Variants in TRIM58 observed in about 807,000 individuals in gnomAD.
TRIM58 encodes tripartite motif containing 58.
TRIM58 carries 38 observed loss-of-function variants against 34.1 expected under a neutral mutation model. That is an observed-to-expected ratio of 1.12 (90% confidence interval 0.86 to 1.46). The LOEUF (loss-of-function observed/expected upper bound fraction) is 1.46, where lower values mean the gene tolerates loss of function less well. TRIM58 is among the 40% of genes most tolerant of loss of function. The pLI is 0.00. For missense variants in TRIM58, 677 were observed against 642.0 expected (o/e 1.05, Z -0.59); for synonymous variants, 273 against 275.7 (o/e 0.99, Z 0.10).
intron 4 of TRIM58, 40 bp from the exon 5 acceptor site, chr1:247,867,923 A>T (rs568002100): frequency 4.6e-4 from 747 of 1,613,734 alleles, no homozygotes; most frequent in South Asian, 4.4e-3. Context: ...GAGCTGGTGG[A>T]GAACCCTGCT....
At chr1:247,869,757 C>G (rs1659047292) in intron 5 of TRIM58, among the ~76,000 whole-genome samples, 1 of 152,132 alleles carries the variant, frequency 6.6e-6, no homozygotes, top group Non-Finnish European at 1.5e-5. Flanking sequence ...AAAACTTTCC[C>G]CTTTCCCTAT....
Position 247,876,011 on chromosome 1 carries a change from G to A in TRIM58, c.983G>A (p.Arg328Gln), listed in dbSNP as rs1417587813. The change falls in exon 6 of 6, where the codon CGA (arginine) becomes CAA (glutamine). Residue 328 changes from arginine to glutamine, a missense_variant. Coordinates refer to ENST00000366481, the MANE Select transcript of TRIM58 (RefSeq NM_015431.4). Reference sequence around the variant, plus strand: ...AGGGATGTCCCCAACAACCCTGAGCGATTTGACACATGGCCCTGCATCCTG... The same window carrying A: ...AGGGATGTCCCCAACAACCCTGAGCAATTTGACACATGGCCCTGCATCCTG... The part of the protein sequence containing the change: ...PWRDVPNNPE[R>Q]FDTWPCILGL... 5.0e-6 allele frequency: 8 copies of A among 1,614,108 alleles called. No homozygotes were observed. The highest frequency in any genetic ancestry group is 5.9e-6 in the Non-Finnish European group (7 of 1,180,044).
At position 247,876,888 on chromosome 1, in the gene TRIM58, C is replaced by G. The variant is rs1214365050; in HGVS notation, c.*399C>G. The G allele has an allele frequency of 5.6e-6, 1 of 178,256 alleles. No individual in the cohort carries two copies. Among genetic ancestry groups the G allele is most frequent in the Non-Finnish European group, 1.2e-5 (1 of 84,060 alleles). 11.0% of individuals were successfully genotyped at this position (178,256 alleles called of 1,614,324 possible). A position where few individuals can be genotyped will look rare whatever the true frequency, so the allele number is the denominator to read the frequency against. On this transcript the variant is annotated 3_prime_UTR_variant, in exon 6 of 6. Transcript: ENST00000366481. ...TGATTCAGAATGGTCTGATACTATT[C>G]CAGTATCACCTCCTTAATTCTGTTT...
rs757138461 is a variant in TRIM58, at chr1:247,876,090, A to G, written c.1062A>G (p.Glu354=). The G allele has an allele frequency of 6.2e-7, 1 of 1,614,166 alleles. No individual in the cohort carries two copies. Among genetic ancestry groups the G allele is most frequent in the Non-Finnish European group, 8.5e-7 (1 of 1,180,028 alleles). ...GRHYWEVLVG[E]GAEWGLGVCQ... ...ATTACTGGGAGGTTCTGGTGGGAGA[A>G]GGAGCAGAGTGGGGTTTAGGGGTCT... The change falls in exon 6 of 6, where the codon GAA becomes GAG. Residue 354 remains glutamate, a synonymous_variant. Coordinates refer to ENST00000366481, the MANE Select transcript of TRIM58 (RefSeq NM_015431.4).
At chr1:247,863,779 C>A (rs188994917) in intron 2 of TRIM58, among the ~76,000 whole-genome samples, 18 of 152,102 alleles carry the variant, frequency 1.2e-4, no homozygotes, top group African/African-American at 4.3e-4. Flanking sequence ...AAGCCTGGGA[C>A]GAAGTATGTT....
At chr1:247,863,498 A>G in intron 2 of TRIM58, among the ~76,000 whole-genome samples, 1 of 151,994 alleles carries the variant, frequency 6.6e-6, no homozygotes, top group Non-Finnish European at 1.5e-5. Flanking sequence ...AGATCGCGCC[A>G]CTGCACTCTA....
intron 2 of TRIM58, among the ~76,000 whole-genome samples, chr1:247,862,101 C>T (rs140176071): frequency 0.06 from 9,130 of 151,958 alleles, 378 homozygotes; most frequent in East Asian, 0.2. Context: ...GCACTCCAGC[C>T]TGGGCAACAA....
intron 1 of TRIM58, among the ~76,000 whole-genome samples, chr1:247,860,365 G>A (rs1006653401): frequency 2.6e-5 from 4 of 152,104 alleles, no homozygotes; most frequent in African/African-American, 9.7e-5. Flanking sequence ...GGAGGCTGAG[G>A]TGGGAGGATC....
intron 5 of TRIM58, among the ~76,000 whole-genome samples, chr1:247,868,774 T>A (rs1276258233): frequency 1.3e-5 from 2 of 152,186 alleles, no homozygotes; most frequent in Non-Finnish European, 2.9e-5. Flanking sequence ...AGGCTAGAGA[T>A]GAACAGATGG....
rs148316921 is a variant in TRIM58, at chr1:247,871,560, A to C, written c.871+3497A>C. On this transcript the variant is annotated intron_variant, in intron 5 of 5. Coordinates refer to ENST00000366481, the MANE Select transcript of TRIM58 (RefSeq NM_015431.4). Reference sequence around the variant, plus strand: ...AAGAGTGTAAAGTCCCTTAATGAGAAAACCCATCTCTGCAGCATAGTACCC... The same window carrying C: ...AAGAGTGTAAAGTCCCTTAATGAGACAACCCATCTCTGCAGCATAGTACCC... 3.5e-3 allele frequency among the ~76,000 whole-genome samples: 523 copies of C among 150,930 alleles called. 3 individuals are homozygous for C. Among genetic ancestry groups the C allele is most frequent in the African/African-American group, 0.011 (453 of 41,100 alleles).
intron 5 of TRIM58, among the ~76,000 whole-genome samples, chr1:247,873,049 G>A (rs1375407494): frequency 2.0e-5 from 3 of 152,108 alleles, no homozygotes; most frequent in Non-Finnish European, 4.4e-5. Context: ...TGATCAACCT[G>A]AGGAAACCTT....
chr1:247,860,737 A>T (rs760253096), intron 2 of TRIM58, 25 bp downstream of exon 2: 1 of 1,561,636 alleles, frequency 6.4e-7, no homozygotes, highest in Non-Finnish European at 8.8e-7. Flanking sequence ...GGGCTTTAGG[A>T]GGCTTGCCTG....
rs1663656559 is a variant in TRIM58 at position 247,857,378 on chromosome 1, C to T, written c.132C>T (p.Cys44=). Residue 44 remains cysteine, a synonymous_variant, in exon 1 of 6, where the codon TGC becomes TGT. Coordinates refer to ENST00000366481, the MANE Select transcript of TRIM58 (RefSeq NM_015431.4). Reference sequence around the variant, plus strand: ...GCCTCAGGTGCATCTCCGAGTTCTGCGAGAAGTCGGACGGCGCGCAGGGCG... The same window carrying T: ...GCCTCAGGTGCATCTCCGAGTTCTGTGAGAAGTCGGACGGCGCGCAGGGCG... ...SFCLRCISEF[C]EKSDGAQGGV... 6.6e-7 allele frequency: 1 copy of T among 1,526,162 alleles called. No homozygotes were observed. 94.5% of individuals were successfully genotyped at this position (1,526,162 alleles called of 1,614,324 possible). A position where few individuals can be genotyped will look rare whatever the true frequency, so the allele number is the denominator to read the frequency against.
At position 247,877,122 on chromosome 1, in the gene TRIM58, CTATTCTGAGACT is replaced by C. The variant is rs1413946729; in HGVS notation, c.*634_*645del. Reference sequence around the variant, plus strand: ...TACTCAATTACTTTTAAAATCCTTTCTATTCTGAGACTAATTTTTAAGAATTACAAAGCTCAT... The same window carrying C: ...TACTCAATTACTTTTAAAATCCTTTCAATTTTTAAGAATTACAAAGCTCAT... On this transcript the variant is annotated 3_prime_UTR_variant, in exon 6 of 6. Coordinates refer to ENST00000366481, the MANE Select transcript of TRIM58 (RefSeq NM_015431.4). The C allele has an allele frequency of 1.3e-5, 2 of 152,212 alleles. No individual in the cohort carries two copies. The highest frequency in any genetic ancestry group is 2.4e-5 in the African/African-American group (1 of 41,456). 9.4% of individuals were successfully genotyped at this position (152,212 alleles called of 1,614,324 possible).
At chr1:247,874,023 T>TAGTAGCAGTAGC in intron 5 of TRIM58, among the ~76,000 whole-genome samples, 1 of 152,240 alleles carries the variant, frequency 6.6e-6, no homozygotes, top group Non-Finnish European at 1.5e-5. Flanking sequence ...GTGGTAGTGG[T>TAGTAGCAGTAGC]AGTAGCAGTA....
rs554580305 is a variant in TRIM58, at chr1:247,877,785, G to T, written c.*1296G>T. 1.3e-5 allele frequency: 2 copies of T among 152,262 alleles called. No individual in the cohort carries two copies. Among genetic ancestry groups the T allele is most frequent in the East Asian group, 3.9e-4 (2 of 5,192 alleles). 9.4% of individuals were successfully genotyped at this position (152,262 alleles called of 1,614,324 possible). On this transcript the variant is annotated 3_prime_UTR_variant, in exon 6 of 6. Coordinates refer to ENST00000366481, the MANE Select transcript of TRIM58 (RefSeq NM_015431.4). ...TGATAATATTTAACTTATTTTTAAAGTATATTCTGTACCTTTCCAACAAAA... is the reference window on the plus strand; with the variant it reads ...TGATAATATTTAACTTATTTTTAAATTATATTCTGTACCTTTCCAACAAAA...
Position 247,876,326 on chromosome 1 carries a change from T to C in TRIM58, c.1298T>C (p.Ile433Thr), listed in dbSNP as rs1659285333. The C allele has an allele frequency of 6.2e-7, 1 of 1,614,088 alleles. No homozygotes were observed. Among genetic ancestry groups the C allele is most frequent in the Non-Finnish European group, 8.5e-7 (1 of 1,180,052 alleles). ...SFYNVTDGSYIYTFNQLFSGL... is the reference protein window; with the variant it reads ...SFYNVTDGSYTYTFNQLFSGL... ...TACAATGTCACAGATGGATCTTATA[T>C]CTACACATTCAACCAACTCTTCTCT... Residue 433 changes from isoleucine to threonine, a missense_variant, in exon 6 of 6, where the codon ATC (isoleucine) becomes ACC (threonine). Transcript: ENST00000366481.
Position 247,879,466 on chromosome 1 carries a change from A to C in TRIM58, c.*2977A>C, listed in dbSNP as rs1659361855. On this transcript the variant is annotated 3_prime_UTR_variant, in exon 6 of 6. Transcript: ENST00000366481. ...CTACAGCAGCTGGGCTGATTCCTTT[A>C]GCACCCAAGGATATGTTGGCATCAC... is the stretch of plus-strand genomic sequence containing the variant. Among the ~76,000 whole-genome samples, 1 of 152,072 alleles carries C rather than the reference A, an allele frequency of 6.6e-6. No homozygotes were observed. Among genetic ancestry groups the C allele is most frequent in the African/African-American group, 2.4e-5 (1 of 41,412 alleles).
chr1:247,860,384 C>T (rs1663757560), intron 1 of TRIM58, among the ~76,000 whole-genome samples: 2 of 151,516 alleles, frequency 1.3e-5, no homozygotes, highest in African/African-American at 4.9e-5. Flanking sequence ...TCATTTGATC[C>T]CAGGAGTTTG....
Sources: allele counts gnomAD v4.1 joint callset (sites outside exome capture counted in the v4.1 genomes callset), GRCh38; gene constraint gnomAD v4.1.1; transcripts MANE v1.5; gene names NCBI Gene and HGNC (gene_info 2026-07-23, HGNC 2026-07-21).